The following DNAJC9 variants were observed in gnomAD, a reference collection of about 807,000 sequenced individuals.
The protein encoded by DNAJC9 is dnaJ homolog subfamily C member 9.
Under a neutral mutation model 32.4 loss-of-function variants are expected in DNAJC9, and 18 were observed. The ratio of observed to expected loss-of-function variants is 0.56; its 90% CI spans 0.38 to 0.82. DNAJC9 has a LOEUF of 0.82. DNAJC9 is among the 40% of genes least tolerant of loss of function. The pLI is 0.00. For missense variants in DNAJC9, 310 were observed against 321.8 expected, an observed-to-expected ratio of 0.96 and a Z score of 0.28; for synonymous variants, 113 against 122.1, an observed-to-expected ratio of 0.93 and a Z score of 0.49.
At chr10:73,236,413 C>CT (rs571460371), downstream of DNAJC9, among the ~76,000 whole-genome samples, 5,826 of 133,264 alleles carry the variant, frequency 0.044, 170 homozygotes, top group East Asian at 0.065. Context: ...CAATTTCTGC[C>CT]TTTTTTTTTT....
chr10:73,247,232 C>G lies in DNAJC9; in HGVS notation c.-43G>C, dbSNP rs575887580. 2.6e-4 allele frequency: 412 copies of G among 1,561,660 alleles called. No individual in the cohort carries two copies. The Middle Eastern group carries it at 2.7e-3, about 10-fold the overall frequency. ...CCCCGGAGGAAGCAGCCGCTCCCAG[C>G]TGCGCCGGGTACAACCCAGGACTGC... On this transcript the variant is annotated 5_prime_UTR_variant, in exon 1 of 5. Coordinates refer to ENST00000372950, the MANE Select transcript of DNAJC9 (RefSeq NM_015190.5).
chr10:73,233,120 GA>G, intron 2 of DNAJC9: 1 of 1,551,768 alleles, frequency 6.4e-7, no homozygotes, highest in East Asian at 2.4e-5. Context: ...TTCATGTGCT[GA>G]AACACCAAGA....
downstream of DNAJC9, chr10:73,234,469 T>A (rs917197194): frequency 3.9e-6 from 1 of 257,706 alleles, no homozygotes; most frequent in Non-Finnish European, 7.6e-6. Context: ...AACCAGAAGG[T>A]CCAGAACTGT....
At chr10:73,235,372 G>C, downstream of DNAJC9, 1 of 1,547,392 alleles carries the variant, frequency 6.5e-7, no homozygotes, top group South Asian at 1.2e-5. Context: ...AGAAAAGGTG[G>C]GGGGAATAAT....
chr10:73,238,669 T>C (rs1364076406), downstream of DNAJC9: 2 of 152,220 alleles, frequency 1.3e-5, no homozygotes, highest in East Asian at 3.8e-4. Context: ...CTCTAAAATA[T>C]AGGGGCTTCA....
At chr10:73,233,300 GT>G (rs1409590980) in intron 2 of DNAJC9, 34 of 655,898 alleles carry the variant, frequency 5.2e-5, no homozygotes, top group Non-Finnish European at 6.2e-5. Context: ...TTGCCCATGG[GT>G]TTAGATCCAA....
In DNAJC9 at chr10:73,246,143, T is replaced by C. The variant is rs36012375; in HGVS notation, c.355A>G (p.Thr119Ala). Reference sequence around the variant, plus strand: ...AGCTCTTCTTCCGAACCTTTGTATGTCTTTTCAAAAGCTTGAATGTCCTCT... The same window carrying C: ...AGCTCTTCTTCCGAACCTTTGTATGCCTTTTCAAAAGCTTGAATGTCCTCT... ...SLEDIQAFEK[T>A]YKGSEEELAD... Residue 119 changes from threonine to alanine, a missense_variant, in exon 3 of 5, where the codon ACA becomes GCA. Transcript: ENST00000372950. 641 of 1,613,260 alleles carry C rather than the reference T, an allele frequency of 4.0e-4. No individual in the cohort carries two copies. In the African/African-American group the frequency reaches 7.7e-3, roughly 19 times the overall value.
At chr10:73,232,966 G>A in intron 2 of DNAJC9, 1 of 1,551,314 alleles carries the variant, frequency 6.4e-7, no homozygotes, top group Non-Finnish European at 8.7e-7. Flanking sequence ...TACTTATGAG[G>A]CCTGGGTCCA....
chr10:73,232,851 T>C (rs2043737154), intron 2 of DNAJC9: 1 of 771,744 alleles, frequency 1.3e-6, no homozygotes, highest in Admixed American at 2.3e-5. Flanking sequence ...AAATGTAGTT[T>C]CTAGTCTAAG....
intron 3 of DNAJC9, among the ~76,000 whole-genome samples, chr10:73,245,666 T>A (rs1159688172): frequency 1.3e-5 from 2 of 152,136 alleles, no homozygotes; most frequent in Non-Finnish European, 2.9e-5. Flanking sequence ...TTGGCCTACA[T>A]GAAAAAATAT....
chr10:73,235,804 A>C (rs1233974104), downstream of DNAJC9, among the ~76,000 whole-genome samples: 1 of 152,166 alleles, frequency 6.6e-6, no homozygotes, highest in Non-Finnish European at 1.5e-5. Flanking sequence ...AGTAGCTGGG[A>C]CTACAGGTGC....
At chr10:73,234,767 G>A, downstream of DNAJC9, 2 of 1,542,716 alleles carry the variant, frequency 1.3e-6, no homozygotes, top group African/African-American at 1.4e-5. Context: ...TGCTGGTATT[G>A]TTATAACTTC....
At chr10:73,236,868 A>G (rs1731247589), downstream of DNAJC9, among the ~76,000 whole-genome samples, 1 of 151,552 alleles carries the variant, frequency 6.6e-6, no homozygotes, top group Admixed American at 6.6e-5. Context: ...GGCACATGCC[A>G]CCATGCCCTG....
chr10:73,234,719 A>T, downstream of DNAJC9: 1 of 1,331,870 alleles, frequency 7.5e-7, no homozygotes, highest in Non-Finnish European at 1.0e-6. Flanking sequence ...TGTGCACATT[A>T]AACTCATCTG....
intron 3 of DNAJC9, among the ~76,000 whole-genome samples, chr10:73,244,713 G>A (rs2043988165): frequency 6.6e-6 from 1 of 151,708 alleles, no homozygotes; most frequent in African/African-American, 2.4e-5. Context: ...GCCTTCCTTT[G>A]CCAAGTGTTC....
chr10:73,235,169 C>T, downstream of DNAJC9: 1 of 1,550,876 alleles, frequency 6.4e-7, no homozygotes, highest in Non-Finnish European at 8.7e-7. Context: ...TTCACTGTTT[C>T]TGTAACTTTT....
In DNAJC9 at chr10:73,243,988, C is replaced by G. The variant is rs756648925; in HGVS notation, c.577-59G>C. On this transcript the variant is annotated intron_variant, in intron 3 of 4. Transcript: ENST00000372950. ...CCAGGAAATGCTTAAAATACATACT[C>G]TTTCCCAAAAGCAAATCTATAATTC... 7.2e-6 allele frequency: 10 copies of G among 1,397,264 alleles called. No individual in the cohort carries two copies. In the Admixed American group the frequency reaches 1.4e-4, roughly 19 times the overall value. 86.6% of individuals were successfully genotyped at this position (1,397,264 alleles called of 1,614,324 possible). A position where few individuals can be genotyped will look rare whatever the true frequency, so the allele number is the denominator to read the frequency against.
In DNAJC9 at chr10:73,246,053, G is replaced by A; in HGVS notation, c.445C>T (p.Leu149Phe). Residue 149 changes from leucine (L) to phenylalanine (F), a missense_variant, in exon 3 of 5, where the codon CTT becomes TTT. Physicochemically the swap from Leu to Phe is conservative, Grantham distance 22. Coordinates refer to ENST00000372950, the MANE Select transcript of DNAJC9 (RefSeq NM_015190.5). ...GGTTCCTCTGTGTACTGCACGCAAA[G>A]CACAGACTCCATGATCTGATCCATG... ...GDMDQIMESVLCVQYTEEPRI... is the reference protein window; with the variant it reads ...GDMDQIMESVFCVQYTEEPRI... 1 of 1,613,758 alleles carries A rather than the reference G, an allele frequency of 6.2e-7. No individual in the cohort carries two copies. The highest frequency in any genetic ancestry group is 8.5e-7 in the Non-Finnish European group (1 of 1,179,826).
chr10:73,247,148 G>C lies in DNAJC9; in HGVS notation c.42C>G (p.Ala14=), dbSNP rs1202287703. Reference sequence around the variant, plus strand: ...GCACGCCCAGCACCCGGTAAAGGTCGGCGGTGCCGAACACTTCCTCGCAAA... The same window carrying C: ...GCACGCCCAGCACCCGGTAAAGGTCCGCGGTGCCGAACACTTCCTCGCAAA... ...LDLCEEVFGT[A]DLYRVLGVRR... is the part of the protein sequence containing the mutation. Residue 14 remains alanine (A), a synonymous_variant, in exon 1 of 5, where the codon GCC becomes GCG. Coordinates refer to ENST00000372950, the MANE Select transcript of DNAJC9 (RefSeq NM_015190.5). The C allele has an allele frequency of 6.3e-7, 1 of 1,596,886 alleles. No individual in the cohort carries two copies. Among genetic ancestry groups the C allele is most frequent in the East Asian group, 2.3e-5 (1 of 43,570 alleles).
Sources: gnomAD v4.1 joint callset for allele counts (sites outside exome capture counted in the v4.1 genomes callset) on GRCh38, gnomAD v4.1.1 for gene constraint, MANE v1.5 for transcripts, NCBI Gene and HGNC (gene_info 2026-07-23, HGNC 2026-07-21) for gene names.